The following RAPGEF1 variants were observed in gnomAD, a reference collection of about 807,000 sequenced individuals.
RAPGEF1 encodes the protein CRK SH3-binding GNRP.
A neutral mutation model predicts 143.3 loss-of-function variants in RAPGEF1; 33 were observed. The ratio of observed to expected loss-of-function variants is 0.23; its 90% CI spans 0.17 to 0.31. The LOEUF (loss-of-function observed/expected upper bound fraction) is 0.31. Among genes scored for constraint, RAPGEF1 ranks in the 10% least tolerant of loss-of-function variants. The pLI is 1.00. For missense variants in RAPGEF1, 1,199 were observed against 1,645.4 expected, an observed-to-expected ratio of 0.73 and a Z score of 4.69; for synonymous variants, 629 against 676.5, an observed-to-expected ratio of 0.93 and a Z score of 1.09.
intron 3 of RAPGEF1, among the ~76,000 whole-genome samples, chr9:131,646,997 CT>C (rs1378435836): frequency 1.3e-5 from 2 of 152,214 alleles, no homozygotes; most frequent in African/African-American, 4.8e-5. Flanking sequence ...GATCCAATCT[CT>C]GTCCAAATGC....
At position 131,579,417 on chromosome 9, in the gene RAPGEF1, T is replaced by A; in HGVS notation, c.*80A>T. 6.5e-7 allele frequency: 1 copy of A among 1,533,912 alleles called. No individual in the cohort carries two copies. ...GAGGCCGGGACTCCTGCCATGCGCC[T>A]AACAGGTCCAAGGTCCTCTCCGGTC... On this transcript the variant is annotated 3_prime_UTR_variant, in exon 27 of 27. Transcript: ENST00000683357.
At chr9:131,711,854 G>A (rs566259565) in intron 1 of RAPGEF1, among the ~76,000 whole-genome samples, 24 of 152,302 alleles carry the variant, frequency 1.6e-4, no homozygotes, top group Non-Finnish European at 3.4e-4. Flanking sequence ...GAGAGACCAA[G>A]TTTAAGAGGC....
intron 1 of RAPGEF1, among the ~76,000 whole-genome samples, chr9:131,674,054 T>G (rs760470341): frequency 1.3e-5 from 2 of 152,270 alleles, no homozygotes; most frequent in Non-Finnish European, 2.9e-5. Flanking sequence ...CAGAGAGTTA[T>G]GAACATTGTT....
At chr9:131,598,530 C>T (rs965059699) in intron 15 of RAPGEF1, 16 of 684,210 alleles carry the variant, frequency 2.3e-5, no homozygotes, top group South Asian at 4.5e-5. Flanking sequence ...CATCTGTACA[C>T]GGAAGTGATT....
rs577912082 is a variant in RAPGEF1, at chr9:131,688,380, G to C, written c.62-37431C>G. Reference sequence around the variant, plus strand: ...ACATAAACCAAATAAACAGCAACAAGTGTCCTGTATTTCTTATCTCAGTGG... The same window carrying C: ...ACATAAACCAAATAAACAGCAACAACTGTCCTGTATTTCTTATCTCAGTGG... On this transcript the variant is annotated intron_variant, in intron 1 of 26. Coordinates refer to ENST00000683357, the MANE Select transcript of RAPGEF1 (RefSeq NM_001377935.1). Among the ~76,000 whole-genome samples the C allele has an allele frequency of 1.4e-4, 22 of 152,276 alleles. No homozygotes were observed. The South Asian group carries it at 4.4e-3, about 30-fold the overall frequency.
intron 25 of RAPGEF1, among the ~76,000 whole-genome samples, chr9:131,581,381 C>T (rs1037269410): frequency 6.7e-6 from 1 of 150,070 alleles, no homozygotes; most frequent in Non-Finnish European, 1.5e-5. Flanking sequence ...GTGACAGAGA[C>T]TCCGTCTTTA....
At chr9:131,618,582 C>G (rs1482278602) in intron 12 of RAPGEF1, among the ~76,000 whole-genome samples, 1 of 152,158 alleles carries the variant, frequency 6.6e-6, no homozygotes, top group Non-Finnish European at 1.5e-5. Context: ...TCTCATCTAT[C>G]TTATCTATTT....
chr9:131,672,492 AG>A (rs1831564562), intron 1 of RAPGEF1, among the ~76,000 whole-genome samples: 1 of 152,200 alleles, frequency 6.6e-6, no homozygotes, highest in African/African-American at 2.4e-5. Flanking sequence ...TCTCTGGGGA[AG>A]GGACCCAGGA....
chr9:131,633,496 G>C (rs1438638739), intron 5 of RAPGEF1, among the ~76,000 whole-genome samples: 11 of 152,176 alleles, frequency 7.2e-5, no homozygotes, highest in Non-Finnish European at 1.5e-4. Context: ...TGTTGATACA[G>C]GAAAACATTC....
At chr9:131,616,746 G>T (rs1959071553) in intron 12 of RAPGEF1, among the ~76,000 whole-genome samples, 1 of 152,214 alleles carries the variant, frequency 6.6e-6, no homozygotes, top group South Asian at 2.1e-4. Context: ...AATGAATGAA[G>T]AAAGTCAGGA....
chr9:131,668,255 C>T (rs2130712564), intron 1 of RAPGEF1, among the ~76,000 whole-genome samples: 1 of 152,332 alleles, frequency 6.6e-6, no homozygotes, highest in East Asian at 1.9e-4. Context: ...GCCTCTGAGA[C>T]TCAGAGCGGC....
intron 1 of RAPGEF1, among the ~76,000 whole-genome samples, chr9:131,719,348 C>A (rs1456555066): frequency 6.6e-6 from 1 of 152,130 alleles, no homozygotes; most frequent in African/African-American, 2.4e-5. Flanking sequence ...ATACTGCTGA[C>A]AAGAAGCATG....
chr9:131,724,642 T>C (rs1836520040), intron 1 of RAPGEF1, among the ~76,000 whole-genome samples: 1 of 152,162 alleles, frequency 6.6e-6, no homozygotes, highest in Non-Finnish European at 1.5e-5. Flanking sequence ...GATTGTTATT[T>C]TCAGCATCCA....
intron 14 of RAPGEF1, 80 bp downstream of exon 14, chr9:131,603,881 G>C (rs530322637): frequency 1.4e-6 from 1 of 699,550 alleles, no homozygotes; most frequent in Non-Finnish European, 2.0e-6. Flanking sequence ...AAGCAGGTGC[G>C]GGGGAAGCGG....
Position 131,628,404 on chromosome 9 carries a change from A to G in RAPGEF1, c.1017+145T>C. On this transcript the variant is annotated intron_variant, in intron 8 of 26. Coordinates refer to ENST00000683357, the MANE Select transcript of RAPGEF1 (RefSeq NM_001377935.1). This position sits in a 1 kb window ranked among gnomAD's most constrained non-coding sequence, Gnocchi z 5.7. ...AACTTGGACCGTGTCCTGGAGAGAG[A>G]GGGATGGGTACAAGGTCTCGCACTC... The G allele has an allele frequency of 8.6e-7, 1 of 1,159,980 alleles. No homozygotes were observed. Among genetic ancestry groups the G allele is most frequent in the Non-Finnish European group, 1.2e-6 (1 of 840,844 alleles). The allele number at this position is 1,159,980 out of a possible 1,614,324, so 71.9% of individuals were successfully genotyped here. A position where few individuals can be genotyped will look rare whatever the true frequency, so the allele number is the denominator to read the frequency against.
At chr9:131,596,474 A>C (rs1955307184) in intron 16 of RAPGEF1, 101 bp from the exon 17 acceptor site, 1 of 1,177,394 alleles carries the variant, frequency 8.5e-7, no homozygotes, top group Admixed American at 1.9e-5. Flanking sequence ...AATGCCCTGC[A>C]ACCCCAAGTC....
At chr9:131,634,211 C>T (rs776223324) in intron 5 of RAPGEF1, among the ~76,000 whole-genome samples, 2 of 151,962 alleles carry the variant, frequency 1.3e-5, no homozygotes, top group African/African-American at 4.8e-5. Context: ...AAGATTGTGC[C>T]GTTGTTGCAC....
chr9:131,586,839 C>T (rs1953048658), intron 22 of RAPGEF1, among the ~76,000 whole-genome samples: 1 of 91,038 alleles, frequency 1.1e-5, no homozygotes. Flanking sequence ...GACTCCGTCT[C>T]AAACACACAC....
intron 1 of RAPGEF1, among the ~76,000 whole-genome samples, chr9:131,714,187 G>A (rs1274371088): frequency 6.6e-6 from 1 of 152,054 alleles, no homozygotes; most frequent in Non-Finnish European, 1.5e-5. Context: ...TGTGGAACAT[G>A]ACATAAGCCA....
Sources: allele counts gnomAD v4.1 joint callset (sites outside exome capture counted in the v4.1 genomes callset), GRCh38; gene constraint gnomAD v4.1.1; non-coding constraint Gnocchi (gnomAD v3.1); transcripts MANE v1.5; gene names NCBI Gene and HGNC (gene_info 2026-07-23, HGNC 2026-07-21).